TMEM117: variants seen among roughly 807,000 people sequenced by gnomAD.
TMEM117 encodes transmembrane protein 117.
A neutral mutation model predicts 52.4 loss-of-function variants in TMEM117; 27 were observed. That is an observed-to-expected ratio of 0.51 (90% CI 0.38 to 0.71). TMEM117 has a LOEUF of 0.71. TMEM117 is among the 30% of genes least tolerant of loss of function. The pLI, the probability that TMEM117 is intolerant of heterozygous loss-of-function variation, is 0.00. For synonymous variants in TMEM117, 215 were observed against 206.3 expected, an observed-to-expected ratio of 1.04 and a Z score of -0.36; for missense variants, 556 against 630.5, an observed-to-expected ratio of 0.88 and a Z score of 1.26.
the TMEM117 span, among the ~76,000 whole-genome samples, chr12:43,807,329 T>C: frequency 6.6e-6 from 1 of 152,344 alleles, no homozygotes; most frequent in Non-Finnish European, 1.5e-5. Context: ...AGGCCTGCAA[T>C]TGTTTTTCTT....
intron 3 of TMEM117, among the ~76,000 whole-genome samples, chr12:44,074,877 C>T (rs918482843): frequency 1.3e-5 from 2 of 152,054 alleles, no homozygotes; most frequent in African/African-American, 2.4e-5. Flanking sequence ...TCTCTTGCTT[C>T]GTGGTAATTT....
chr12:44,359,677 A>C (rs1951696272), intron 6 of TMEM117, among the ~76,000 whole-genome samples: 1 of 152,056 alleles, frequency 6.6e-6, no homozygotes, highest in South Asian at 2.1e-4. Context: ...TTTCCTTAGC[A>C]GAGAAAATTT....
At chr12:44,049,485 G>A (rs572641659) in intron 3 of TMEM117, among the ~76,000 whole-genome samples, 1 of 151,294 alleles carries the variant, frequency 6.6e-6, no homozygotes, top group South Asian at 2.1e-4. Context: ...CATGGCACAG[G>A]TATACCTATG....
chr12:44,224,183 C>T (rs1488990854), intron 5 of TMEM117, among the ~76,000 whole-genome samples: 1 of 152,102 alleles, frequency 6.6e-6, no homozygotes, highest in African/African-American at 2.4e-5. Context: ...TATGCACACA[C>T]CCAAGCATGC....
At chr12:44,023,961 A>T (rs1267847509) in intron 3 of TMEM117, among the ~76,000 whole-genome samples, 1 of 135,702 alleles carries the variant, frequency 7.4e-6, no homozygotes, top group Non-Finnish European at 1.5e-5. Context: ...CTTAAAGTAT[A>T]AAAAAAAAAT....
At chr12:43,958,932 G>A (rs907664922) in intron 3 of TMEM117, among the ~76,000 whole-genome samples, 3 of 151,906 alleles carry the variant, frequency 2.0e-5, no homozygotes, top group East Asian at 1.9e-4. Flanking sequence ...TCAGCCTCCC[G>A]AGTAGCTGGG....
In TMEM117 at chr12:44,115,004, A is replaced by G. The variant is rs538852421; in HGVS notation, c.411-28521A>G. On this transcript the variant is annotated intron_variant, in intron 3 of 7. Transcript: ENST00000266534. ...ATTATGAATGAATTTTCAGAAAAAG[A>G]CCGTAAATCATATATAATTTTTTAT... Among the ~76,000 whole-genome samples, 63 of 152,306 alleles carry G rather than the reference A, an allele frequency of 4.1e-4. 1 individual carries two copies. The highest frequency in any genetic ancestry group is 7.8e-4 in the Non-Finnish European group (53 of 68,034).
At chr12:44,051,998 A>C (rs987102807) in intron 3 of TMEM117, among the ~76,000 whole-genome samples, 1 of 152,228 alleles carries the variant, frequency 6.6e-6, no homozygotes. Context: ...AGTCATGTGC[A>C]ATATTGGTAA....
At chr12:44,391,589 G>A (rs1592010924), downstream of TMEM117, among the ~76,000 whole-genome samples, 1 of 152,222 alleles carries the variant, frequency 6.6e-6, no homozygotes, top group African/African-American at 2.4e-5. Context: ...TCAATACATG[G>A]TAGCTCACCA....
chr12:43,825,713 T>C, the TMEM117 span, among the ~76,000 whole-genome samples: 1 of 152,212 alleles, frequency 6.6e-6, no homozygotes, highest in East Asian at 1.9e-4. Context: ...GAATTAAATG[T>C]GCATAAGAGT....
At chr12:43,984,219 T>G (rs904326664) in intron 3 of TMEM117, among the ~76,000 whole-genome samples, 6 of 152,170 alleles carry the variant, frequency 3.9e-5, no homozygotes, top group African/African-American at 1.2e-4. Flanking sequence ...AGTACAAAAA[T>G]TAGTCAGGTG....
At chr12:43,933,157 G>T (rs971583317) in intron 2 of TMEM117, among the ~76,000 whole-genome samples, 43 of 151,660 alleles carry the variant, frequency 2.8e-4, no homozygotes, top group African/African-American at 1.0e-3. Context: ...ATTGGTATCA[G>T]TATAATGATG....
At chr12:44,066,503 T>C (rs1592487843) in intron 3 of TMEM117, among the ~76,000 whole-genome samples, 2 of 152,282 alleles carry the variant, frequency 1.3e-5, no homozygotes, top group East Asian at 1.9e-4. Flanking sequence ...AGTTCTAGAC[T>C]GCCAAAATAA....
At chr12:44,000,983 A>G (rs549648880) in intron 3 of TMEM117, among the ~76,000 whole-genome samples, 1 of 152,284 alleles carries the variant, frequency 6.6e-6, no homozygotes, top group East Asian at 1.9e-4. Flanking sequence ...GTGGTGACTG[A>G]TGTGCAAGGG....
At chr12:43,891,367 AT>A (rs772754829) in intron 2 of TMEM117, among the ~76,000 whole-genome samples, 663 of 57,764 alleles carry the variant, frequency 0.011, 1 homozygote, top group African/African-American at 0.035. Flanking sequence ...TACCTCTTGA[AT>A]TTTTTTTTTT....
At chr12:43,901,069 T>G (rs899321888) in intron 2 of TMEM117, among the ~76,000 whole-genome samples, 2 of 152,144 alleles carry the variant, frequency 1.3e-5, no homozygotes, top group Non-Finnish European at 2.9e-5. Context: ...AAATGAAACA[T>G]TTTTGTATAT....
At chr12:44,257,619 T>C (rs1950274676) in intron 5 of TMEM117, among the ~76,000 whole-genome samples, 1 of 152,164 alleles carries the variant, frequency 6.6e-6, no homozygotes, top group African/African-American at 2.4e-5. Context: ...CAAATTGCCA[T>C]ATAGATTTCA....
chr12:43,842,822 A>G (rs1943137400), intron 1 of TMEM117, among the ~76,000 whole-genome samples: 1 of 152,150 alleles, frequency 6.6e-6, no homozygotes, highest in Non-Finnish European at 1.5e-5. Flanking sequence ...CTGGAGAAGA[A>G]CATGTCTCCA....
At chr12:44,116,426 A>G (rs1294183958) in intron 3 of TMEM117, among the ~76,000 whole-genome samples, 1 of 152,082 alleles carries the variant, frequency 6.6e-6, no homozygotes, top group African/African-American at 2.4e-5. Context: ...TAGCCTGAAT[A>G]TTTTTGTATC....
Sources: allele counts gnomAD v4.1 joint callset (sites outside exome capture counted in the v4.1 genomes callset), GRCh38; gene constraint gnomAD v4.1.1; transcripts MANE v1.5; gene names NCBI Gene and HGNC (gene_info 2026-07-23, HGNC 2026-07-21).